Variants in FOCAD observed in about 807,000 individuals in gnomAD.
The protein encoded by FOCAD is KIAA1797.
In FOCAD, 198 loss-of-function variants were observed where a neutral mutation model predicts 225.6. The ratio of observed to expected loss-of-function variants is 0.88; its 90% CI spans 0.78 to 0.99. The LOEUF (loss-of-function observed/expected upper bound fraction) is 0.99. Among genes scored for constraint, FOCAD ranks in the 50% least tolerant of loss-of-function variants. The pLI is 0.00. For missense variants in FOCAD, 2,713 were observed against 2,123.6 expected (o/e 1.28, Z -5.46); for synonymous variants, 897 against 755.0 (o/e 1.19, Z -3.08).
intron 7 of FOCAD, among the ~76,000 whole-genome samples, chr9:20,768,567 G>A (rs1210580490): frequency 6.6e-6 from 1 of 151,814 alleles, no homozygotes; most frequent in Non-Finnish European, 1.5e-5. Context: ...GGATTCCTAG[G>A]TATTTTATTC....
chr9:20,851,499 G>C (rs957349825), intron 15 of FOCAD, among the ~76,000 whole-genome samples: 1 of 151,714 alleles, frequency 6.6e-6, no homozygotes, highest in African/African-American at 2.4e-5. Context: ...GTCAAATCCA[G>C]GGCTTATTGC....
intron 4 of FOCAD, among the ~76,000 whole-genome samples, chr9:20,722,999 C>T (rs1190952059): frequency 6.6e-6 from 1 of 152,170 alleles, no homozygotes; most frequent in Non-Finnish European, 1.5e-5. Flanking sequence ...GTAATTAGAG[C>T]AGGTTAGATT....
In FOCAD at chr9:20,978,355, A is replaced by T; in HGVS notation, c.4278A>T (p.Gln1426His). The T allele has an allele frequency of 6.2e-7, 1 of 1,606,324 alleles. No homozygotes were observed. Among genetic ancestry groups the T allele is most frequent in the Non-Finnish European group, 8.5e-7 (1 of 1,175,702 alleles). ...MRLNFGEEIQ[Q>H]LCLEIMVTQA... is the part of the protein sequence containing the mutation. ...GACTTTCAGGTGAAGAGATCCAGCAACTGTGCCTTGAAATTATGGTGACCC... is the reference window on the plus strand; with the variant it reads ...GACTTTCAGGTGAAGAGATCCAGCATCTGTGCCTTGAAATTATGGTGACCC... Residue 1426 changes from glutamine to histidine, a missense_variant, in exon 37 of 44, where the codon CAA (glutamine) becomes CAT (histidine). Transcript: ENST00000338382.
chr9:20,704,779 C>T (rs1188196296), intron 1 of FOCAD, among the ~76,000 whole-genome samples: 2 of 152,178 alleles, frequency 1.3e-5, no homozygotes, highest in Non-Finnish European at 2.9e-5. Context: ...TCTACGCTTT[C>T]AGTGATTTGG....
chr9:20,733,884 C>T (rs1826918721), intron 4 of FOCAD, among the ~76,000 whole-genome samples: 1 of 152,106 alleles, frequency 6.6e-6, no homozygotes, highest in Admixed American at 6.5e-5. Context: ...ACCTATAGCT[C>T]CAGATACTTG....
chr9:20,840,368 A>C (rs536272032), intron 15 of FOCAD, among the ~76,000 whole-genome samples: 4 of 151,920 alleles, frequency 2.6e-5, no homozygotes, highest in Non-Finnish European at 5.9e-5. Context: ...CATTCATTGT[A>C]GATCTCTTTT....
At chr9:20,850,428 A>T (rs1336033715) in intron 15 of FOCAD, among the ~76,000 whole-genome samples, 1 of 151,788 alleles carries the variant, frequency 6.6e-6, no homozygotes, top group African/African-American at 2.4e-5. Flanking sequence ...TTTTATGTGG[A>T]TTTTATGAAA....
chr9:20,968,431 CTTTT>C (rs35624897), intron 35 of FOCAD, among the ~76,000 whole-genome samples: 1 of 43,636 alleles, frequency 2.3e-5, no homozygotes, highest in East Asian at 9.1e-4. Flanking sequence ...TTTTCTTATT[CTTTT>C]TTTTTTTTTT....
chr9:20,923,702 C>G lies in FOCAD; in HGVS notation c.2895C>G (p.Ser965Arg), dbSNP rs531493485. 2 of 1,613,974 alleles carry G rather than the reference C, an allele frequency of 1.2e-6. No individual in the cohort carries two copies. The highest frequency in any genetic ancestry group is 1.7e-6 in the Non-Finnish European group (2 of 1,179,982). The change falls in exon 25 of 44, where the codon AGC (serine) becomes AGG (arginine). Residue 965 changes from serine to arginine, a missense_variant. Coordinates refer to ENST00000338382, the MANE Select transcript of FOCAD (RefSeq NM_001375567.1). ...VVKGNALLAL[S>R]SLAVVVSRHE... Reference sequence around the variant, plus strand: ...AAGGCAATGCGCTGTTAGCTCTAAGCAGCCTTGCTGTCGTCGTATCTAGAC... The same window carrying G: ...AAGGCAATGCGCTGTTAGCTCTAAGGAGCCTTGCTGTCGTCGTATCTAGAC...
At chr9:20,738,671 G>A (rs1406463587) in intron 4 of FOCAD, among the ~76,000 whole-genome samples, 1 of 152,170 alleles carries the variant, frequency 6.6e-6, no homozygotes, top group Non-Finnish European at 1.5e-5. Context: ...TCAGCTGCAA[G>A]AGAAACCTCA....
At chr9:20,851,079 C>A (rs1024118699) in intron 15 of FOCAD, among the ~76,000 whole-genome samples, 4 of 151,340 alleles carry the variant, frequency 2.6e-5, no homozygotes, top group African/African-American at 9.7e-5. Flanking sequence ...TATTAGATAA[C>A]CTTAAGTTGG....
intron 24 of FOCAD, among the ~76,000 whole-genome samples, chr9:20,917,514 C>G (rs925988109): frequency 6.6e-6 from 1 of 152,132 alleles, no homozygotes; most frequent in Non-Finnish European, 1.5e-5. Flanking sequence ...CCGAAACTTG[C>G]TTGAACAATC....
chr9:20,822,160 G>A (rs1384276287), intron 14 of FOCAD, among the ~76,000 whole-genome samples: 5 of 151,968 alleles, frequency 3.3e-5, no homozygotes, highest in Non-Finnish European at 7.4e-5. Context: ...AGGATAGACT[G>A]AATATCAGAC....
At chr9:20,772,097 A>G (rs1047086551) in intron 8 of FOCAD, among the ~76,000 whole-genome samples, 2 of 152,236 alleles carry the variant, frequency 1.3e-5, no homozygotes, top group Admixed American at 6.5e-5. Flanking sequence ...AAAGGGAGAC[A>G]TAGAAGACAG....
Position 20,864,755 on chromosome 9 carries a change from A to G in FOCAD, c.2056-1171A>G, listed in dbSNP as rs80224049. Among the ~76,000 whole-genome samples the G allele has an allele frequency of 4.0e-3, 606 of 152,248 alleles. 2 individuals carry two copies. The highest frequency in any genetic ancestry group is 6.8e-3 in the Middle Eastern group (2 of 294). On this transcript the variant is annotated intron_variant, in intron 16 of 43. Coordinates refer to ENST00000338382, the MANE Select transcript of FOCAD (RefSeq NM_001375567.1). ...TTGCTTCACTTATTCATTGAATCAG[A>G]ATATATTTATTAAAACTGCGCTAGG...
chr9:20,900,156 T>C (rs1259663600), intron 21 of FOCAD, among the ~76,000 whole-genome samples: 1 of 151,968 alleles, frequency 6.6e-6, no homozygotes, highest in Non-Finnish European at 1.5e-5. Context: ...CATTTCTAAC[T>C]CTGACATGAC....
Position 20,948,296 on chromosome 9 carries a change from GA to G in FOCAD, c.3704del (p.Asn1235ThrfsTer2). ...QQTSGFALAL[G>X]NIVHGLSVCG... ...ACTTCAGGTTTTGCCCTGGCTTTAG[GA>G]AACATAGTTCATGGATTGTCTGTGT... On this transcript the variant is annotated frameshift_variant, in exon 31 of 44. Coordinates refer to ENST00000338382, the MANE Select transcript of FOCAD (RefSeq NM_001375567.1). LOFTEE classifies it high-confidence loss of function. The G allele has an allele frequency of 6.2e-7, 1 of 1,610,336 alleles. No individual in the cohort carries two copies. The highest frequency in any genetic ancestry group is 8.5e-7 in the Non-Finnish European group (1 of 1,177,870).
intron 39 of FOCAD, among the ~76,000 whole-genome samples, chr9:20,984,976 T>G (rs1274053842): frequency 1.3e-5 from 2 of 152,144 alleles, no homozygotes; most frequent in East Asian, 3.9e-4. Flanking sequence ...AATTTTTATA[T>G]TTTTAGTAGA....
chr9:20,768,467 T>A (rs984565779), intron 7 of FOCAD, among the ~76,000 whole-genome samples: 21 of 151,940 alleles, frequency 1.4e-4, no homozygotes, highest in South Asian at 6.3e-4. Flanking sequence ...GAGCATGGAA[T>A]GTTCTTCCAT....
Sources: allele counts gnomAD v4.1 joint callset (sites outside exome capture counted in the v4.1 genomes callset), GRCh38; gene constraint gnomAD v4.1.1; transcripts MANE v1.5; gene names NCBI Gene and HGNC (gene_info 2026-07-23, HGNC 2026-07-21).